PALM2AKAP2: variants seen among roughly 807,000 people sequenced by gnomAD.
The protein encoded by PALM2AKAP2 is PALM2-AKAP2 fusion protein.
Under a neutral mutation model 71.5 loss-of-function variants are expected in PALM2AKAP2, and 37 were observed. That is an observed-to-expected ratio of 0.52 (90% CI 0.40 to 0.68). The LOEUF is 0.68. Ranked by LOEUF, PALM2AKAP2 falls within the 30% of genes least tolerant of loss-of-function variation. The probability of loss-of-function intolerance (pLI) is 0.00; values close to 1 mark genes in which losing one functional copy is unlikely to be tolerated. For missense variants in PALM2AKAP2, 1,224 were observed against 1,191.8 expected (o/e 1.03, Z -0.40); for synonymous variants, 468 against 478.8 (o/e 0.98, Z 0.29).
chr9:109,951,472 A>G (rs1316452313), intron 6 of PALM2AKAP2, among the ~76,000 whole-genome samples: 2 of 152,196 alleles, frequency 1.3e-5, no homozygotes, highest in Non-Finnish European at 2.9e-5. Flanking sequence ...TTTTCACTGC[A>G]TCTACCTCTG....
At chr9:109,748,886 C>A (rs774811265) in intron 1 of PALM2AKAP2, among the ~76,000 whole-genome samples, 1 of 152,180 alleles carries the variant, frequency 6.6e-6, no homozygotes, top group East Asian at 1.9e-4. Flanking sequence ...GGTCCTCCCT[C>A]TGTGCAAGGT....
intron 6 of PALM2AKAP2, among the ~76,000 whole-genome samples, chr9:109,987,749 T>G (rs900205495): frequency 1.3e-5 from 2 of 152,234 alleles, no homozygotes; most frequent in African/African-American, 4.8e-5. Flanking sequence ...CATGTTTTTG[T>G]TCTGCCATCT....
At chr9:109,669,593 G>T (rs908155946) in intron 1 of PALM2AKAP2, among the ~76,000 whole-genome samples, 1 of 151,762 alleles carries the variant, frequency 6.6e-6, no homozygotes, top group African/African-American at 2.4e-5. Flanking sequence ...TTGGTTGAAA[G>T]GTTTCTAATT....
At chr9:109,840,041 G>T (rs1442315285) in intron 1 of PALM2AKAP2, among the ~76,000 whole-genome samples, 1 of 152,154 alleles carries the variant, frequency 6.6e-6, no homozygotes, top group Non-Finnish European at 1.5e-5. Flanking sequence ...AACCAAAAAA[G>T]AGCCCGCATT....
chr9:109,845,578 A>G (rs1490832921), intron 1 of PALM2AKAP2, among the ~76,000 whole-genome samples: 1 of 152,210 alleles, frequency 6.6e-6, no homozygotes, highest in African/African-American at 2.4e-5. Flanking sequence ...CACTCAATCC[A>G]GGAGGCTACA....
intron 3 of PALM2AKAP2, among the ~76,000 whole-genome samples, chr9:109,918,622 A>G (rs1830747907): frequency 6.6e-6 from 1 of 152,354 alleles, no homozygotes; most frequent in East Asian, 1.9e-4. Context: ...TGAAACTACA[A>G]AACAGTGGCG....
chr9:109,966,341 A>G (rs756406473), intron 6 of PALM2AKAP2, among the ~76,000 whole-genome samples: 3 of 152,246 alleles, frequency 2.0e-5, no homozygotes, highest in African/African-American at 4.8e-5. Flanking sequence ...TAGACTTAAG[A>G]TATCAAGGAA....
intron 1 of PALM2AKAP2, among the ~76,000 whole-genome samples, chr9:110,109,990 A>G (rs558595852): frequency 6.6e-6 from 1 of 152,314 alleles, no homozygotes; most frequent in South Asian, 2.1e-4. Context: ...AATTTCAATT[A>G]TGCAGCAGGA....
chr9:110,078,013 C>CAA (rs34622810), intron 1 of PALM2AKAP2, among the ~76,000 whole-genome samples: 21 of 97,616 alleles, frequency 2.2e-4, no homozygotes, highest in African/African-American at 4.3e-4. Context: ...GACTCAGTCT[C>CAA]AAAAAAAAAA....
chr9:109,767,938 G>A (rs10980029), intron 1 of PALM2AKAP2, among the ~76,000 whole-genome samples: 32,310 of 149,206 alleles, frequency 0.22, 3,795 homozygotes, highest in South Asian at 0.32. Context: ...GGGATGGAAG[G>A]AAAAGAGGGA....
At chr9:109,759,447 G>A (rs966808855) in intron 1 of PALM2AKAP2, among the ~76,000 whole-genome samples, 1 of 152,090 alleles carries the variant, frequency 6.6e-6, no homozygotes, top group Non-Finnish European at 1.5e-5. Context: ...GAATCATTTA[G>A]TCTCCAGCAA....
chr9:109,890,361 C>T (rs1026751506), intron 3 of PALM2AKAP2, among the ~76,000 whole-genome samples: 7 of 152,170 alleles, frequency 4.6e-5, no homozygotes, highest in African/African-American at 7.2e-5. Context: ...CATCAAGGCC[C>T]GCTTCCTCCA....
At chr9:109,694,407 A>T (rs1827938671) in intron 1 of PALM2AKAP2, among the ~76,000 whole-genome samples, 1 of 152,154 alleles carries the variant, frequency 6.6e-6, no homozygotes, top group African/African-American at 2.4e-5. Context: ...TTATTTATAG[A>T]ATTAAGAGGG....
At chr9:109,965,020 C>A (rs1344831149) in intron 6 of PALM2AKAP2, among the ~76,000 whole-genome samples, 1 of 152,124 alleles carries the variant, frequency 6.6e-6, no homozygotes, top group Non-Finnish European at 1.5e-5. Flanking sequence ...CACATAGAAC[C>A]TTGAATTATG....
intron 1 of PALM2AKAP2, among the ~76,000 whole-genome samples, chr9:109,641,235 T>C (rs558519791): frequency 2.6e-5 from 4 of 152,206 alleles, no homozygotes; most frequent in Admixed American, 6.5e-5. Flanking sequence ...GTCAGCATTA[T>C]TGGACTGCAG....
chr9:110,073,005 T>C (rs1433530715), intron 1 of PALM2AKAP2, among the ~76,000 whole-genome samples: 1 of 152,224 alleles, frequency 6.6e-6, no homozygotes, highest in Non-Finnish European at 1.5e-5. Context: ...TCACTATTTA[T>C]TTTTAGAAAC....
At position 109,853,999 on chromosome 9, in the gene PALM2AKAP2, GC is replaced by G. The variant is rs148542109; in HGVS notation, c.46-13490del. ...TCTTCTAGGACTAGAGCAGGGCTCA[GC>G]CAAGCACATGGTGCTGGCAGGACAC... On this transcript the variant is annotated intron_variant, in intron 1 of 9. Coordinates refer to the PALM2AKAP2 transcript ENST00000302798. Among the ~76,000 whole-genome samples, 81 of 152,326 alleles carry G rather than the reference GC, an allele frequency of 5.3e-4. 2 individuals carry two copies. In the East Asian group the frequency reaches 9.3e-3, roughly 17 times the overall value.
exon 4 of PALM2AKAP2, chr9:110,168,579 A>G: frequency 6.7e-7 from 1 of 1,501,036 alleles, no homozygotes; most frequent in East Asian, 2.4e-5. Flanking sequence ...ATTTTAATGG[A>G]CTATTTATTA....
At chr9:110,059,404 G>T (rs1305845155) in intron 1 of PALM2AKAP2, among the ~76,000 whole-genome samples, 1 of 152,118 alleles carries the variant, frequency 6.6e-6, no homozygotes, top group Non-Finnish European at 1.5e-5. Flanking sequence ...GCTTTCTTTA[G>T]TTGTTGGTAC....
Sources: gnomAD v4.1 joint callset for allele counts (sites outside exome capture counted in the v4.1 genomes callset) on GRCh38, gnomAD v4.1.1 for gene constraint, MANE v1.5 for transcripts, NCBI Gene and HGNC (gene_info 2026-07-23, HGNC 2026-07-21) for gene names.